Variants in SLC14A2 observed in about 807,000 individuals in gnomAD.
The protein encoded by SLC14A2 is urea transporter 2.
Under a neutral mutation model 104.6 loss-of-function variants are expected in SLC14A2, and 91 were observed. That is an observed-to-expected ratio of 0.87 (90% confidence interval 0.73 to 1.04). The LOEUF is 1.04. Among genes scored for constraint, SLC14A2 ranks in the 50% least tolerant of loss-of-function variants. SLC14A2 has a pLI of 0.00. For synonymous variants in SLC14A2, 476 were observed against 466.4 expected, an observed-to-expected ratio of 1.02 and a Z score of -0.27; for missense variants, 1,189 against 1,156.0, an observed-to-expected ratio of 1.03 and a Z score of -0.41.
intron 1 of SLC14A2, among the ~76,000 whole-genome samples, chr18:45,442,309 A>T (rs7240792): frequency 0.029 from 4,439 of 152,222 alleles, 229 homozygotes; most frequent in African/African-American, 0.1. Flanking sequence ...ACAGAAATTT[A>T]TTGTCTCACA....
At chr18:45,679,064 TC>T in intron 19 of SLC14A2, 40 bp downstream of exon 19, 1 of 1,597,324 alleles carries the variant, frequency 6.3e-7, no homozygotes, top group East Asian at 2.2e-5. Flanking sequence ...ACAACATCCT[TC>T]CTGGTGTCCT....
chr18:45,537,053 CCCTCCCTCCCTCCCTT>C (rs2043802128), intron 2 of SLC14A2, among the ~76,000 whole-genome samples: 3 of 115,098 alleles, frequency 2.6e-5, no homozygotes, highest in Non-Finnish European at 5.3e-5. Flanking sequence ...CTCCCTCCCT[CCCTCCCTCCCTCCCTT>C]CCTTCCTTCC....
chr18:45,529,290 A>G (rs1389460574), intron 2 of SLC14A2: 1 of 152,216 alleles, frequency 6.6e-6, no homozygotes, highest in African/African-American at 2.4e-5. Context: ...AAAAGCAGAC[A>G]TCTCACTGTG....
chr18:45,640,972 A>G (rs779688285), intron 7 of SLC14A2, among the ~76,000 whole-genome samples: 2 of 152,212 alleles, frequency 1.3e-5, no homozygotes, highest in Non-Finnish European at 2.9e-5. Flanking sequence ...CTTCTCACCC[A>G]GGAGGACCTC....
chr18:45,364,130 T>C (rs2085643135), intron 1 of SLC14A2, among the ~76,000 whole-genome samples: 2 of 152,184 alleles, frequency 1.3e-5, no homozygotes, highest in Non-Finnish European at 2.9e-5. Context: ...GCTGTCTGAG[T>C]CACTCCCTCA....
At chr18:45,342,214 T>C (rs2085403128) in intron 1 of SLC14A2, among the ~76,000 whole-genome samples, 1 of 152,182 alleles carries the variant, frequency 6.6e-6, no homozygotes. Context: ...GATAATCAAC[T>C]CTGTTAACTA....
the SLC14A2 span, among the ~76,000 whole-genome samples, chr18:45,204,860 G>A: frequency 6.6e-6 from 1 of 151,246 alleles, no homozygotes; most frequent in African/African-American, 2.4e-5. Context: ...CTCATTGCTT[G>A]CCAGAAACTT....
At chr18:45,426,571 CACAT>C (rs2086430727) in intron 1 of SLC14A2, among the ~76,000 whole-genome samples, 1 of 149,610 alleles carries the variant, frequency 6.7e-6, no homozygotes, top group South Asian at 2.1e-4. Context: ...TGTGTATACA[CACAT>C]ATATATAGTA....
chr18:45,682,186 T>C (rs919906577), intron 19 of SLC14A2, 133 bp from the exon 20 acceptor site: 4 of 758,004 alleles, frequency 5.3e-6, no homozygotes, highest in African/African-American at 5.2e-5. Flanking sequence ...TTATTTATAT[T>C]GGTCATCAAT....
rs1486148268 is a variant in SLC14A2 at position 45,640,018 on chromosome 18, G to A, written c.991+125G>A. On this transcript the variant is annotated intron_variant, in intron 7 of 19. Transcript: ENST00000255226. ...GTTTTAAATACTTTCAGGGAGACAG[G>A]CACGGTGACTTATGCCTGTAATCCC... 4 of 914,934 alleles carry A rather than the reference G, an allele frequency of 4.4e-6. No homozygotes were observed. The South Asian group carries it at 5.2e-5, about 12-fold the overall frequency. 56.7% of individuals were successfully genotyped at this position (914,934 alleles called of 1,614,324 possible).
At chr18:45,338,305 A>G (rs1377565034) in intron 1 of SLC14A2, among the ~76,000 whole-genome samples, 1 of 151,898 alleles carries the variant, frequency 6.6e-6, no homozygotes, top group Non-Finnish European at 1.5e-5. Context: ...GGTTCATGCC[A>G]TTCTCCTGCC....
At chr18:45,386,479 C>T (rs1190939060) in intron 1 of SLC14A2, among the ~76,000 whole-genome samples, 1 of 152,174 alleles carries the variant, frequency 6.6e-6, no homozygotes, top group African/African-American at 2.4e-5. Flanking sequence ...CTAATGGACC[C>T]AAGCATTCCC....
intron 2 of SLC14A2, among the ~76,000 whole-genome samples, chr18:45,526,669 GA>G (rs979738434): frequency 6.6e-6 from 1 of 152,146 alleles, no homozygotes; most frequent in African/African-American, 2.4e-5. Flanking sequence ...GAGTCATATA[GA>G]GGGGGAAGAT....
chr18:45,192,642 TTTTTGTTTTGTTTTG>T, the SLC14A2 span, among the ~76,000 whole-genome samples: 1 of 144,832 alleles, frequency 6.9e-6, no homozygotes, highest in African/African-American at 2.6e-5. Flanking sequence ...GTGTGGTTTT[TTTTTGTTTTGTTTTG>T]TTTTGTTTTG....
At chr18:45,422,203 A>C (rs2086358701) in intron 1 of SLC14A2, among the ~76,000 whole-genome samples, 1 of 152,158 alleles carries the variant, frequency 6.6e-6, no homozygotes, top group Non-Finnish European at 1.5e-5. Context: ...GCAAGAGGAC[A>C]CTGGGTACTC....
intron 1 of SLC14A2, among the ~76,000 whole-genome samples, chr18:45,219,348 G>A (rs757728986): frequency 1.3e-5 from 2 of 152,190 alleles, no homozygotes; most frequent in Non-Finnish European, 2.9e-5. Context: ...ATAAAATGCT[G>A]TGTAAATAAA....
At chr18:45,448,929 T>C (rs900023224) in intron 1 of SLC14A2, among the ~76,000 whole-genome samples, 1 of 152,206 alleles carries the variant, frequency 6.6e-6, no homozygotes, top group African/African-American at 2.4e-5. Flanking sequence ...TCCTTTCTGA[T>C]CAGGAGAGAG....
chr18:45,440,387 T>C (rs1033452469), intron 1 of SLC14A2: 8 of 152,064 alleles, frequency 5.3e-5, no homozygotes, highest in Non-Finnish European at 8.8e-5. Flanking sequence ...TCCAAGACCA[T>C]AGAGATGAGA....
chr18:45,383,998 A>G (rs2085866928), intron 1 of SLC14A2, among the ~76,000 whole-genome samples: 1 of 152,198 alleles, frequency 6.6e-6, no homozygotes, highest in Non-Finnish European at 1.5e-5. Context: ...ATAAATCCCC[A>G]GAAAATGAAC....
Sources: gnomAD v4.1 joint callset for allele counts (sites outside exome capture counted in the v4.1 genomes callset) on GRCh38, gnomAD v4.1.1 for gene constraint, MANE v1.5 for transcripts, NCBI Gene and HGNC (gene_info 2026-07-23, HGNC 2026-07-21) for gene names.